Variants in PLXDC2 observed in about 807,000 individuals in gnomAD.
The protein encoded by PLXDC2 is plexin domain-containing protein 2.
In PLXDC2, 40 loss-of-function variants were observed where a neutral mutation model predicts 68.9. The ratio of observed to expected loss-of-function variants is 0.58; its 90% CI spans 0.45 to 0.76. The LOEUF (loss-of-function observed/expected upper bound fraction) is 0.76, where lower values mean the gene tolerates loss of function less well. Among genes scored for constraint, PLXDC2 ranks in the 30% least tolerant of loss-of-function variants. The pLI, the probability that PLXDC2 is intolerant of heterozygous loss-of-function variation, is 0.00. For synonymous variants in PLXDC2, 243 were observed against 234.2 expected (o/e 1.04, Z -0.34); for missense variants, 644 against 661.9 (o/e 0.97, Z 0.30).
intron 1 of PLXDC2, among the ~76,000 whole-genome samples, chr10:19,901,396 G>C (rs1234808507): frequency 6.6e-6 from 1 of 152,110 alleles, no homozygotes; most frequent in South Asian, 2.1e-4. Context: ...GTATTGCCTT[G>C]TGGTTTTGAT....
At chr10:20,035,947 AT>A (rs1227478707) in intron 2 of PLXDC2, among the ~76,000 whole-genome samples, 4 of 152,104 alleles carry the variant, frequency 2.6e-5, no homozygotes. Flanking sequence ...TCAGTTACCA[AT>A]TTTTTGGTAA....
At chr10:20,218,782 G>A (rs1041363243) in intron 11 of PLXDC2, among the ~76,000 whole-genome samples, 1 of 152,042 alleles carries the variant, frequency 6.6e-6, no homozygotes, top group African/African-American at 2.4e-5. Context: ...AAAAATAGCT[G>A]TATTTTAACT....
intron 12 of PLXDC2, among the ~76,000 whole-genome samples, chr10:20,229,854 T>A (rs2131876927): frequency 6.6e-6 from 1 of 152,304 alleles, no homozygotes; most frequent in Non-Finnish European, 1.5e-5. Flanking sequence ...CAGTAATAAA[T>A]TAACAACTTG....
At chr10:19,879,763 G>A (rs1192416128) in intron 1 of PLXDC2, among the ~76,000 whole-genome samples, 1 of 152,152 alleles carries the variant, frequency 6.6e-6, no homozygotes, top group African/African-American at 2.4e-5. Context: ...AACTCAGTGG[G>A]TAATTCAGGA....
intron 1 of PLXDC2, among the ~76,000 whole-genome samples, chr10:19,952,854 C>A (rs937687409): frequency 1.3e-5 from 2 of 152,106 alleles, no homozygotes; most frequent in African/African-American, 4.8e-5. Flanking sequence ...CTGTTTTTGT[C>A]TGGCCAGAAG....
At chr10:19,818,923 A>G (rs1385291524) in intron 1 of PLXDC2, among the ~76,000 whole-genome samples, 2 of 152,074 alleles carry the variant, frequency 1.3e-5, no homozygotes, top group Non-Finnish European at 2.9e-5. Flanking sequence ...CTTTGGCACT[A>G]GGAATAAATA....
chr10:20,022,456 C>CT (rs755086056), intron 2 of PLXDC2, among the ~76,000 whole-genome samples: 4 of 152,166 alleles, frequency 2.6e-5, no homozygotes, highest in Non-Finnish European at 4.4e-5. Flanking sequence ...GTTAGAAAGG[C>CT]TGAGGTCAGA....
At chr10:19,853,414 T>C (rs984843709) in intron 1 of PLXDC2, among the ~76,000 whole-genome samples, 4 of 152,030 alleles carry the variant, frequency 2.6e-5, no homozygotes, top group Non-Finnish European at 5.9e-5. Context: ...TTAATTTTAA[T>C]TTTTATTTAT....
At position 20,002,003 on chromosome 10, in the gene PLXDC2, G is replaced by A. The variant is rs201195054; in HGVS notation, c.324+17G>A. On this transcript the variant is annotated intron_variant, in intron 2 of 13. Coordinates refer to ENST00000377252, the MANE Select transcript of PLXDC2 (RefSeq NM_032812.9). Reference sequence around the variant, plus strand: ...CAGATCGAGGTAGATAAATAGTCTGGGTAATTGAAATGGATTAATGAATTT... The same window carrying A: ...CAGATCGAGGTAGATAAATAGTCTGAGTAATTGAAATGGATTAATGAATTT... 1 of 1,604,674 alleles carries A rather than the reference G, an allele frequency of 6.2e-7. No homozygotes were observed. Among genetic ancestry groups the A allele is most frequent in the East Asian group, 2.2e-5 (1 of 44,678 alleles).
chr10:20,028,333 G>T (rs559939918), intron 2 of PLXDC2, among the ~76,000 whole-genome samples: 15 of 152,134 alleles, frequency 9.9e-5, no homozygotes, highest in Non-Finnish European at 1.5e-4. Context: ...AAAGGGATTT[G>T]TTAGGTCGTG....
intron 3 of PLXDC2, among the ~76,000 whole-genome samples, chr10:20,050,523 A>G (rs1265502574): frequency 6.6e-6 from 1 of 151,718 alleles, no homozygotes; most frequent in East Asian, 1.9e-4. Flanking sequence ...CAAGAAAAAA[A>G]CGCATTAAAA....
At chr10:19,950,337 C>G (rs1366786953) in intron 1 of PLXDC2, among the ~76,000 whole-genome samples, 1 of 152,050 alleles carries the variant, frequency 6.6e-6, no homozygotes, top group Admixed American at 6.6e-5. Flanking sequence ...AATCAAGGTA[C>G]AAAAATCATT....
intron 12 of PLXDC2, among the ~76,000 whole-genome samples, chr10:20,244,885 G>A (rs1835568239): frequency 6.6e-6 from 1 of 152,172 alleles, no homozygotes; most frequent in Non-Finnish European, 1.5e-5. Flanking sequence ...GGAGGCTGAG[G>A]CAGGCGGATC....
At chr10:20,185,222 G>A (rs11818845) in intron 9 of PLXDC2, among the ~76,000 whole-genome samples, 2,220 of 127,910 alleles carry the variant, frequency 0.017, 57 homozygotes, top group African/African-American at 0.06. Context: ...GGTTTTCAAA[G>A]TAAGCCAACA....
chr10:20,107,238 G>A (rs1833504118), intron 4 of PLXDC2, among the ~76,000 whole-genome samples: 1 of 151,846 alleles, frequency 6.6e-6, no homozygotes, highest in African/African-American at 2.4e-5. Flanking sequence ...CTTGGTATAT[G>A]TCAATGTGTC....
chr10:20,224,163 G>A (rs1232079282), intron 12 of PLXDC2, among the ~76,000 whole-genome samples: 5 of 151,980 alleles, frequency 3.3e-5, no homozygotes, highest in African/African-American at 1.2e-4. Context: ...TAGTAGAAAT[G>A]GGATTACGCC....
At chr10:19,989,561 CAT>C (rs1368291376) in intron 1 of PLXDC2, among the ~76,000 whole-genome samples, 4 of 152,120 alleles carry the variant, frequency 2.6e-5, no homozygotes, top group Non-Finnish European at 4.4e-5. Context: ...TATTTGAAGA[CAT>C]GTGCAGGCTT....
intron 1 of PLXDC2, among the ~76,000 whole-genome samples, chr10:19,931,982 T>G (rs980560668): frequency 3.3e-5 from 5 of 152,050 alleles, no homozygotes; most frequent in Admixed American, 6.6e-5. Context: ...TGTGTGTGTT[T>G]AAGCTAAATA....
chr10:20,241,555 G>A (rs866283803), intron 12 of PLXDC2, among the ~76,000 whole-genome samples: 17 of 152,328 alleles, frequency 1.1e-4, no homozygotes, highest in Admixed American at 2.0e-4. Context: ...GGAGGCTGAG[G>A]CAGGAGGAAT....
Sources: allele counts gnomAD v4.1 joint callset (sites outside exome capture counted in the v4.1 genomes callset), GRCh38; gene constraint gnomAD v4.1.1; transcripts MANE v1.5; gene names NCBI Gene and HGNC (gene_info 2026-07-23, HGNC 2026-07-21).